Variants in RAP1GAP2 observed in about 807,000 individuals in gnomAD.
RAP1GAP2 encodes the protein RAP1 GTPase activating protein 2, also known as rap1 GTPase-activating protein 2.
Under a neutral mutation model 95.0 loss-of-function variants are expected in RAP1GAP2, and 27 were observed. That is an observed-to-expected ratio of 0.28 (90% CI 0.21 to 0.39). The LOEUF is 0.39. Ranked by LOEUF, RAP1GAP2 falls within the 10% of genes least tolerant of loss-of-function variation. The probability of loss-of-function intolerance (pLI) is 1.00; values close to 1 mark genes in which losing one functional copy is unlikely to be tolerated. For synonymous variants in RAP1GAP2, 373 were observed against 380.9 expected, an observed-to-expected ratio of 0.98 and a Z score of 0.24; for missense variants, 771 against 970.0, an observed-to-expected ratio of 0.79 and a Z score of 2.72.
chr17:2,900,778 C>T (rs2042001831), intron 2 of RAP1GAP2, among the ~76,000 whole-genome samples: 1 of 152,170 alleles, frequency 6.6e-6, no homozygotes, highest in Admixed American at 6.6e-5. Flanking sequence ...ACTTTATTAC[C>T]CCTATCTTTG....
At chr17:2,799,349 C>G (rs1196946621) in intron 1 of RAP1GAP2, among the ~76,000 whole-genome samples, 1 of 152,198 alleles carries the variant, frequency 6.6e-6, no homozygotes, top group African/African-American at 2.4e-5. Context: ...CCTCGGGGTG[C>G]CGCTTGCTTT....
intron 1 of RAP1GAP2, among the ~76,000 whole-genome samples, chr17:2,767,599 G>GAGT (rs397737217): frequency 1.1e-4 from 16 of 151,728 alleles, no homozygotes; most frequent in African/African-American, 3.6e-4. Context: ...CACGCATGAG[G>GAGT]CCCTGCACTT....
intron 8 of RAP1GAP2, among the ~76,000 whole-genome samples, chr17:2,968,108 G>T (rs190841385): frequency 1.3e-5 from 2 of 152,282 alleles, no homozygotes; most frequent in African/African-American, 4.8e-5. Flanking sequence ...AGAAAGCCAG[G>T]TGAATTTGAG....
intron 2 of RAP1GAP2, among the ~76,000 whole-genome samples, chr17:2,888,800 A>G (rs975719297): frequency 1.4e-5 from 2 of 145,860 alleles, no homozygotes; most frequent in African/African-American, 2.5e-5. Flanking sequence ...TACAGTGTAC[A>G]CCACCACGCC....
intron 4 of RAP1GAP2, among the ~76,000 whole-genome samples, chr17:2,961,954 G>T (rs1408352193): frequency 6.9e-6 from 1 of 144,494 alleles, no homozygotes; most frequent in Non-Finnish European, 1.5e-5. Flanking sequence ...CCAGGCTGAA[G>T]TGCAATGGCG....
At chr17:2,926,767 G>A (rs919477017) in intron 3 of RAP1GAP2, among the ~76,000 whole-genome samples, 3 of 151,914 alleles carry the variant, frequency 2.0e-5, no homozygotes, top group Non-Finnish European at 2.9e-5. Flanking sequence ...CACTTTGAGA[G>A]GCCGAGGCGG....
At chr17:2,839,946 G>T (rs2071298895) in intron 2 of RAP1GAP2, among the ~76,000 whole-genome samples, 1 of 148,210 alleles carries the variant, frequency 6.7e-6, no homozygotes, top group African/African-American at 2.5e-5. Context: ...TTACAGGCAT[G>T]CGCCACCACG....
In RAP1GAP2 at chr17:2,995,506, C is replaced by T. The variant is rs748261256; in HGVS notation, c.1044+40C>T. On this transcript the variant is annotated intron_variant, in intron 13 of 24. Coordinates refer to ENST00000254695, the MANE Select transcript of RAP1GAP2 (RefSeq NM_015085.5). ...GAGGGCTTTGGGAGCCCAGGGCGGG[C>T]GAGGTGAGGGCCTGCCTCTGGTCTG... 4.4e-5 allele frequency: 71 copies of T among 1,609,946 alleles called. No individual in the cohort carries two copies. In the East Asian group the frequency reaches 4.5e-4, roughly 10 times the overall value.
In RAP1GAP2 at chr17:2,932,584, CAAA is replaced by C. The variant is rs71153311; in HGVS notation, c.166-25157_166-25155del. On this transcript the variant is annotated intron_variant, in intron 3 of 24. Coordinates refer to ENST00000254695, the MANE Select transcript of RAP1GAP2 (RefSeq NM_015085.5). ...TGGGTGACAGAGTGAGACTCCATCT[CAAA>C]AAAAAAAAAAAAAAAAAGAGGAGCT... Among the ~76,000 whole-genome samples, 4 of 52,338 alleles carry C rather than the reference CAAA, an allele frequency of 7.6e-5. No homozygotes were observed. In the East Asian group the frequency reaches 1.7e-3, roughly 22 times the overall value. The allele number at this position is 52,338 out of a possible 152,430, so 34.3% of individuals were successfully genotyped here.
At chr17:2,957,907 A>G (rs1222637922) in intron 4 of RAP1GAP2, 113 bp downstream of exon 4, 2 of 1,149,184 alleles carry the variant, frequency 1.7e-6, no homozygotes, top group East Asian at 5.6e-5. Flanking sequence ...GGGGGTGCAG[A>G]GAAGAGACAA....
intron 16 of RAP1GAP2, among the ~76,000 whole-genome samples, chr17:3,007,085 A>G (rs73976754): frequency 0.02 from 2,986 of 152,188 alleles, 84 homozygotes; most frequent in African/African-American, 0.057. Flanking sequence ...GGTAGACAGC[A>G]TGAGCAAAGG....
At chr17:2,853,589 C>G in intron 2 of RAP1GAP2, among the ~76,000 whole-genome samples, 1 of 150,276 alleles carries the variant, frequency 6.7e-6, no homozygotes, top group Non-Finnish European at 1.5e-5. Context: ...TGTCCGCCTC[C>G]TCCTGCGCTT....
chr17:2,848,376 A>G (rs902698146), intron 2 of RAP1GAP2, among the ~76,000 whole-genome samples: 14 of 152,092 alleles, frequency 9.2e-5, no homozygotes, highest in African/African-American at 3.4e-4. Flanking sequence ...TTATCACGGA[A>G]CGACCCTATT....
chr17:2,829,521 G>A (rs1204754867), intron 2 of RAP1GAP2, among the ~76,000 whole-genome samples: 1 of 152,152 alleles, frequency 6.6e-6, no homozygotes, highest in Non-Finnish European at 1.5e-5. Context: ...CCTCTAGCAG[G>A]CAGCCCTGTC....
At chr17:2,846,827 G>T (rs770428527) in intron 2 of RAP1GAP2, among the ~76,000 whole-genome samples, 2 of 152,134 alleles carry the variant, frequency 1.3e-5, no homozygotes, top group Non-Finnish European at 1.5e-5. Flanking sequence ...TTCCCTCACT[G>T]TAGTGTCTTT....
chr17:3,015,960 C>T (rs957723665), intron 17 of RAP1GAP2, among the ~76,000 whole-genome samples: 1 of 152,126 alleles, frequency 6.6e-6, no homozygotes, highest in African/African-American at 2.4e-5. Context: ...GGGAGCGGGG[C>T]CCACACCTTA....
chr17:2,784,567 G>A (rs527332228), intron 1 of RAP1GAP2, among the ~76,000 whole-genome samples: 4 of 152,186 alleles, frequency 2.6e-5, no homozygotes, highest in African/African-American at 4.8e-5. Flanking sequence ...CACCGCGCCC[G>A]GCCAGCAGTT....
chr17:2,824,446 CAA>C (rs916170087), intron 2 of RAP1GAP2, among the ~76,000 whole-genome samples: 3 of 77,576 alleles, frequency 3.9e-5, no homozygotes, highest in African/African-American at 5.0e-5. Flanking sequence ...GACTCCATCT[CAA>C]AAAAAAAAAA....
At chr17:2,804,947 C>T (rs1567663573) in intron 2 of RAP1GAP2, among the ~76,000 whole-genome samples, 2 of 152,166 alleles carry the variant, frequency 1.3e-5, no homozygotes. Flanking sequence ...GCATTCATGC[C>T]TTGAATCCTT....
Sources: allele counts gnomAD v4.1 joint callset (sites outside exome capture counted in the v4.1 genomes callset), GRCh38; gene constraint gnomAD v4.1.1; transcripts MANE v1.5; gene names NCBI Gene and HGNC (gene_info 2026-07-23, HGNC 2026-07-21).